Variants in TRPC1 observed in about 807,000 individuals in gnomAD.
TRPC1 encodes transient receptor potential cation channel subfamily C member 1.
A neutral mutation model predicts 88.2 loss-of-function variants in TRPC1; 42 were observed. That is an observed-to-expected ratio of 0.48 (90% CI 0.37 to 0.62). The LOEUF (loss-of-function observed/expected upper bound fraction) is 0.62. Ranked by LOEUF, TRPC1 falls within the 20% of genes least tolerant of loss-of-function variation. The pLI is 0.00. For missense variants in TRPC1, 699 were observed against 957.3 expected (o/e 0.73, Z 3.56); for synonymous variants, 288 against 331.8 (o/e 0.87, Z 1.43).
chr3:142,782,081 A>AT (rs1390689376), intron 6 of TRPC1, among the ~76,000 whole-genome samples: 4 of 152,194 alleles, frequency 2.6e-5, no homozygotes, highest in Non-Finnish European at 4.4e-5. Flanking sequence ...AAATGATAGA[A>AT]TAAGGGGATT....
At chr3:142,771,454 G>C (rs927877911) in intron 4 of TRPC1, among the ~76,000 whole-genome samples, 1 of 152,240 alleles carries the variant, frequency 6.6e-6, no homozygotes, top group Non-Finnish European at 1.5e-5. Context: ...GATTACAGGC[G>C]TGAGCCACTG....
intron 4 of TRPC1, among the ~76,000 whole-genome samples, chr3:142,763,535 A>G (rs1202981189): frequency 6.6e-6 from 1 of 151,904 alleles, no homozygotes; most frequent in African/African-American, 2.4e-5. Flanking sequence ...AGTTACGTGG[A>G]ATATCTTTCA....
At chr3:142,750,019 C>G (rs1934697246) in intron 4 of TRPC1, among the ~76,000 whole-genome samples, 1 of 152,168 alleles carries the variant, frequency 6.6e-6, no homozygotes, top group African/African-American at 2.4e-5. Flanking sequence ...TGGGCAAAGA[C>G]TTCATGACTA....
chr3:142,805,436 A>G (rs1435873391), intron 12 of TRPC1, among the ~76,000 whole-genome samples: 1 of 152,170 alleles, frequency 6.6e-6, no homozygotes, highest in African/African-American at 2.4e-5. Flanking sequence ...CAGATAGTAA[A>G]TACTTTACAC....
chr3:142,738,487 C>T (rs77610835), intron 2 of TRPC1, among the ~76,000 whole-genome samples: 7,345 of 152,216 alleles, frequency 0.048, 226 homozygotes, highest in East Asian at 0.14. Flanking sequence ...TTTTATATTG[C>T]TTTGCATTTA....
intron 6 of TRPC1, among the ~76,000 whole-genome samples, chr3:142,781,758 A>G (rs576034911): frequency 5.4e-4 from 82 of 152,252 alleles, no homozygotes; most frequent in Middle Eastern, 3.4e-3. Context: ...TATCTAATTG[A>G]TAGTATGGGA....
chr3:142,786,062 G>T (rs1213671615), intron 7 of TRPC1, among the ~76,000 whole-genome samples: 2 of 151,930 alleles, frequency 1.3e-5, no homozygotes, highest in African/African-American at 4.8e-5. Flanking sequence ...TCTGTGTGTC[G>T]GGGTGCGTGT....
In TRPC1 at chr3:142,748,404, C is replaced by G; in HGVS notation, c.576C>G (p.Gly192=). The G allele has an allele frequency of 1.2e-6, 2 of 1,614,168 alleles. No individual in the cohort carries two copies. The highest frequency in any genetic ancestry group is 1.7e-6 in the Non-Finnish European group (2 of 1,179,994). ...DVSLPKPHAV[G]CECTLCSAKN... ...CTCTACCCAAGCCCCATGCAGTTGG[C>G]TGTGAATGCACATTGTGTTCTGCAA... Residue 192 remains glycine (G), a synonymous_variant, in exon 4 of 13, where the codon GGC becomes GGG. Transcript: ENST00000476941.
rs761999891 is a variant in TRPC1 at position 142,792,799 on chromosome 3, T to A, written c.1438-25T>A. On this transcript the variant is annotated intron_variant, in intron 8 of 12. Transcript: ENST00000476941. The surrounding 1 kb of genome is among the most constrained non-coding windows in gnomAD (Gnocchi z 4.0). The stretch of plus-strand genomic sequence containing the variant: ...CCTAAATTGAGAGAGCTTATTTACC[T>A]TTGGCTTTTTCTTCCTAACCTTAGT... 6.5e-7 allele frequency: 1 copy of A among 1,535,650 alleles called. No homozygotes were observed. Among genetic ancestry groups the A allele is most frequent in the Non-Finnish European group, 8.7e-7 (1 of 1,145,464 alleles).
rs1933568692 is a variant in TRPC1 at position 142,724,454 on chromosome 3, G to C, written c.-106G>C. ...CTCGAGCCGAGGCAGCAGTGGGAAC[G>C]ACTCATCCTTTTTCCAGCCCTGGGG... On this transcript the variant is annotated 5_prime_UTR_variant, in exon 1 of 13. Coordinates refer to ENST00000476941, the MANE Select transcript of TRPC1 (RefSeq NM_001251845.2). This position sits in a 1 kb window ranked among gnomAD's most constrained non-coding sequence, Gnocchi z 5.6. The C allele has an allele frequency of 2.6e-6, 3 of 1,165,794 alleles. No individual in the cohort carries two copies. Among genetic ancestry groups the C allele is most frequent in the African/African-American group, 1.6e-5 (1 of 61,702 alleles). 72.2% of individuals were successfully genotyped at this position (1,165,794 alleles called of 1,614,324 possible). A position where few individuals can be genotyped will look rare whatever the true frequency, so the allele number is the denominator to read the frequency against.
At chr3:142,795,012 G>A (rs1372419156) in intron 9 of TRPC1, among the ~76,000 whole-genome samples, 1 of 151,826 alleles carries the variant, frequency 6.6e-6, no homozygotes, top group Non-Finnish European at 1.5e-5. Context: ...CATGGAAGAT[G>A]TAAAAAAAAG....
At chr3:142,793,073 T>G in intron 9 of TRPC1, 106 bp downstream of exon 9, 1 of 1,036,042 alleles carries the variant, frequency 9.7e-7, no homozygotes, top group Non-Finnish European at 1.3e-6. Context: ...AAAGCTAAAC[T>G]TTGCTCTTGA....
chr3:142,736,906 T>C (rs1212281979), intron 2 of TRPC1, among the ~76,000 whole-genome samples: 1 of 152,082 alleles, frequency 6.6e-6, no homozygotes, highest in Non-Finnish European at 1.5e-5. Context: ...AATAGTTTTT[T>C]TTCTGGCCCA....
chr3:142,772,977 C>T (rs1935628779), intron 4 of TRPC1, among the ~76,000 whole-genome samples: 1 of 152,094 alleles, frequency 6.6e-6, no homozygotes, highest in Non-Finnish European at 1.5e-5. Context: ...TGCCTGTCTC[C>T]ACATTTCCCT....
chr3:142,749,552 CTTAAA>C (rs1392522036), intron 4 of TRPC1, among the ~76,000 whole-genome samples: 2 of 151,992 alleles, frequency 1.3e-5, no homozygotes, highest in African/African-American at 4.8e-5. Context: ...TCATCCTAGG[CTTAAA>C]CTAATGTGTA....
intron 9 of TRPC1, among the ~76,000 whole-genome samples, chr3:142,798,299 T>G (rs1320548700): frequency 6.6e-6 from 1 of 152,132 alleles, no homozygotes; most frequent in Non-Finnish European, 1.5e-5. Context: ...AAAGAATTAT[T>G]CAACATTTTA....
chr3:142,797,965 G>A (rs1344496154), intron 9 of TRPC1, among the ~76,000 whole-genome samples: 1 of 152,022 alleles, frequency 6.6e-6, no homozygotes, highest in Non-Finnish European at 1.5e-5. Context: ...TGCTTCTAAC[G>A]AGTAAAGAGC....
intron 4 of TRPC1, among the ~76,000 whole-genome samples, chr3:142,753,095 A>C (rs993850220): frequency 6.6e-6 from 1 of 152,116 alleles, no homozygotes; most frequent in African/African-American, 2.4e-5. Flanking sequence ...AATATTTTTC[A>C]AATTATATGC....
intron 4 of TRPC1, among the ~76,000 whole-genome samples, chr3:142,765,299 T>C (rs940441033): frequency 2.0e-5 from 3 of 152,162 alleles, no homozygotes; most frequent in Non-Finnish European, 4.4e-5. Context: ...CAACATCATT[T>C]TTCACAGACT....
Sources: allele counts gnomAD v4.1 joint callset (sites outside exome capture counted in the v4.1 genomes callset), GRCh38; gene constraint gnomAD v4.1.1; non-coding constraint Gnocchi (gnomAD v3.1); transcripts MANE v1.5; gene names NCBI Gene and HGNC (gene_info 2026-07-23, HGNC 2026-07-21).